LRGUK: variants seen among roughly 807,000 people sequenced by gnomAD.
LRGUK encodes leucine rich repeats and guanylate kinase domain containing.
A neutral mutation model predicts 76.0 loss-of-function variants in LRGUK; 65 were observed. The observed-to-expected ratio is 0.85, with a 90% CI of 0.70 to 1.05. LRGUK has a LOEUF of 1.05. Among genes scored for constraint, LRGUK ranks in the 50% least tolerant of loss-of-function variants. The pLI is 0.00. For synonymous variants in LRGUK, 268 were observed against 265.6 expected (o/e 1.01, Z -0.09); for missense variants, 758 against 732.8 (o/e 1.03, Z -0.40).
chr7:134,192,029 C>A (rs1800275296), intron 12 of LRGUK, among the ~76,000 whole-genome samples: 1 of 151,916 alleles, frequency 6.6e-6, no homozygotes, highest in South Asian at 2.1e-4. Flanking sequence ...ATGAAAAATT[C>A]TTGTGATCTG....
chr7:134,240,850 A>T (rs964894905), intron 16 of LRGUK, among the ~76,000 whole-genome samples: 4 of 152,218 alleles, frequency 2.6e-5, no homozygotes, highest in Non-Finnish European at 4.4e-5. Flanking sequence ...ATAACAGCGG[A>T]TATCTCAGCA....
chr7:134,162,110 T>TG, intron 6 of LRGUK, among the ~76,000 whole-genome samples: 1 of 152,190 alleles, frequency 6.6e-6, no homozygotes, highest in Non-Finnish European at 1.5e-5. Context: ...TTGAAAAACT[T>TG]GGTTTGGTTA....
At position 134,204,965 on chromosome 7, in the gene LRGUK, C is replaced by A. The variant is rs767732425; in HGVS notation, c.1843+3389C>A. 2.6e-5 allele frequency among the ~76,000 whole-genome samples: 4 copies of A among 152,176 alleles called. No individual in the cohort carries two copies. In the East Asian group the frequency reaches 7.7e-4, roughly 29 times the overall value. ...CTTCAAGAATGGAGCCGTGGACCTT[C>A]GTGGTGAGTGTTACAGCCCTTAAAG... is the stretch of plus-strand genomic sequence containing the variant. On this transcript the variant is annotated intron_variant, in intron 15 of 15. Transcript: ENST00000645682.
chr7:134,183,045 C>G (rs1047962876), intron 10 of LRGUK, among the ~76,000 whole-genome samples: 1 of 152,210 alleles, frequency 6.6e-6, no homozygotes, highest in Admixed American at 6.5e-5. Context: ...CTTGAGCCAT[C>G]GCGCCCGGCT....
chr7:134,175,293 A>G (rs1799434652), intron 8 of LRGUK, among the ~76,000 whole-genome samples: 1 of 151,982 alleles, frequency 6.6e-6, no homozygotes, highest in Non-Finnish European at 1.5e-5. Context: ...TGTATCCTTC[A>G]CTTAGTTTCC....
chr7:134,219,263 AGTC>A (rs1463477355), intron 15 of LRGUK, among the ~76,000 whole-genome samples: 1 of 152,218 alleles, frequency 6.6e-6, no homozygotes, highest in Middle Eastern at 3.2e-3. Flanking sequence ...TAGGAGTTCA[AGTC>A]GTTAAAGCGG....
intron 18 of LRGUK, among the ~76,000 whole-genome samples, chr7:134,252,018 C>T (rs1802459390): frequency 6.6e-6 from 1 of 152,002 alleles, no homozygotes. Context: ...AACAAGGTCT[C>T]CTAGGAGACT....
At chr7:134,145,683 C>A (rs915398326) in intron 4 of LRGUK, among the ~76,000 whole-genome samples, 1 of 152,138 alleles carries the variant, frequency 6.6e-6, no homozygotes, top group Admixed American at 6.5e-5. Flanking sequence ...GGGATTGAAC[C>A]CACTGTCTGA....
chr7:134,263,723 T>G, intron 19 of LRGUK, 122 bp from the exon 20 acceptor site: 2 of 986,178 alleles, frequency 2.0e-6, no homozygotes, highest in African/African-American at 3.4e-5. Context: ...CCTCATTTAT[T>G]TCTTATAGTT....
In LRGUK at chr7:134,262,970, CAAAAA is replaced by C. The variant is rs3030443; in HGVS notation, c.2348-856_2348-852del. ...TAGGTGACAGAGCGAGACCTGGTCT[CAAAAA>C]AAAAAAAAAAAAAAAAAAGGAGGAG... On this transcript the variant is annotated intron_variant, in intron 19 of 19. Coordinates refer to the LRGUK transcript ENST00000285928. Among the ~76,000 whole-genome samples, 141 of 89,924 alleles carry C rather than the reference CAAAAA, an allele frequency of 1.6e-3. 1 individual carries two copies. Among genetic ancestry groups the C allele is most frequent in the Admixed American group, 2.5e-3 (22 of 8,800 alleles). 59.0% of individuals were successfully genotyped at this position (89,924 alleles called of 152,430 possible).
intron 5 of LRGUK, among the ~76,000 whole-genome samples, chr7:134,156,930 G>A (rs1228852301): frequency 2.0e-5 from 3 of 152,280 alleles, no homozygotes; most frequent in African/African-American, 7.2e-5. Context: ...CAGATTATGA[G>A]TGGCTGAGAA....
chr7:134,161,490 A>G (rs1034602299), intron 6 of LRGUK, among the ~76,000 whole-genome samples: 1 of 152,046 alleles, frequency 6.6e-6, no homozygotes, highest in Non-Finnish European at 1.5e-5. Context: ...CTTGTGTGCT[A>G]TCACTTAGCT....
intron 12 of LRGUK, among the ~76,000 whole-genome samples, chr7:134,191,996 T>C (rs1168831563): frequency 6.6e-6 from 1 of 152,160 alleles, no homozygotes; most frequent in South Asian, 2.1e-4. Flanking sequence ...GTAGGCATTT[T>C]AAGGAAATAG....
chr7:134,257,624 G>A (rs527294199), intron 18 of LRGUK, among the ~76,000 whole-genome samples: 1 of 150,236 alleles, frequency 6.7e-6, no homozygotes, highest in East Asian at 2.0e-4. Flanking sequence ...TGGCCAACAT[G>A]GCATAACCCC....
At chr7:134,218,653 A>G (rs543941895) in intron 15 of LRGUK, among the ~76,000 whole-genome samples, 3 of 152,296 alleles carry the variant, frequency 2.0e-5, no homozygotes, top group Admixed American at 2.0e-4. Flanking sequence ...TTTGCAGTAA[A>G]TGGCCCTATT....
At chr7:134,200,992 G>A (rs1800742883) in intron 14 of LRGUK, among the ~76,000 whole-genome samples, 1 of 152,118 alleles carries the variant, frequency 6.6e-6, no homozygotes, top group African/African-American at 2.4e-5. Context: ...TGTCTGCCAA[G>A]AATTATCCTC....
At chr7:134,128,267 A>T (rs1428452205) in intron 1 of LRGUK, among the ~76,000 whole-genome samples, 1 of 152,214 alleles carries the variant, frequency 6.6e-6, no homozygotes, top group Non-Finnish European at 1.5e-5. Flanking sequence ...CAGCCAGCTC[A>T]TTGTGGGAAT....
chr7:134,132,016 G>C (rs1237859193), intron 1 of LRGUK, among the ~76,000 whole-genome samples: 1 of 152,134 alleles, frequency 6.6e-6, no homozygotes, highest in Non-Finnish European at 1.5e-5. Flanking sequence ...GAAGTATAAG[G>C]AGAAAGAAGA....
chr7:134,180,974 A>G (rs1008722974), intron 10 of LRGUK, among the ~76,000 whole-genome samples: 100 of 152,292 alleles, frequency 6.6e-4, no homozygotes, highest in African/African-American at 2.4e-3. Context: ...TATATTTCAT[A>G]TAAGTGTCAA....
Sources: gnomAD v4.1 joint callset for allele counts (sites outside exome capture counted in the v4.1 genomes callset) on GRCh38, gnomAD v4.1.1 for gene constraint, MANE v1.5 for transcripts, NCBI Gene and HGNC (gene_info 2026-07-23, HGNC 2026-07-21) for gene names.